Variants in MYO3B observed in about 807,000 individuals in gnomAD.
The protein encoded by MYO3B is myosin-IIIb.
In MYO3B, 156 loss-of-function variants were observed where a neutral mutation model predicts 174.6. That is an observed-to-expected ratio of 0.89 (90% confidence interval 0.78 to 1.02). The LOEUF (loss-of-function observed/expected upper bound fraction) is 1.02, where lower values mean the gene tolerates loss of function less well. Among genes scored for constraint, MYO3B ranks in the 50% least tolerant of loss-of-function variants. MYO3B has a pLI of 0.00. For synonymous variants in MYO3B, 563 were observed against 569.1 expected, an observed-to-expected ratio of 0.99 and a Z score of 0.15; for missense variants, 1,632 against 1,639.4, an observed-to-expected ratio of 1.00 and a Z score of 0.08.
At chr2:170,456,763 G>A (rs76668982) in intron 23 of MYO3B, among the ~76,000 whole-genome samples, 1,628 of 152,296 alleles carry the variant, frequency 0.011, 13 homozygotes, top group Non-Finnish European at 0.015. Context: ...CAGCAGTTTT[G>A]ACTAACCAAT....
intron 32 of MYO3B, among the ~76,000 whole-genome samples, chr2:170,620,677 C>T (rs1039051733): frequency 3.9e-5 from 6 of 152,208 alleles, no homozygotes; most frequent in South Asian, 4.1e-4. Context: ...TGGAAAATGG[C>T]CCGGGTAGAT....
intron 3 of MYO3B, among the ~76,000 whole-genome samples, 153 bp downstream of exon 3, chr2:170,200,437 C>T (rs1334632208): frequency 1.3e-5 from 2 of 152,170 alleles, no homozygotes. Context: ...CATTCTCCTC[C>T]ACAGTTCTTA....
chr2:170,319,009 C>G (rs2093796081), intron 7 of MYO3B, among the ~76,000 whole-genome samples: 1 of 152,096 alleles, frequency 6.6e-6, no homozygotes, highest in Non-Finnish European at 1.5e-5. Flanking sequence ...TCTTTCTTAC[C>G]CCAGATCTCA....
chr2:170,311,584 C>T (rs1288427707), intron 7 of MYO3B, among the ~76,000 whole-genome samples: 1 of 148,152 alleles, frequency 6.7e-6, no homozygotes, highest in African/African-American at 2.5e-5. Flanking sequence ...TTGGTGATGT[C>T]CTTTGAAACA....
Position 170,564,850 on chromosome 2 carries a change from A to G in MYO3B, c.3733+20862A>G, listed in dbSNP as rs537524691. On this transcript the variant is annotated intron_variant, in intron 32 of 34. Transcript: ENST00000408978. ...TGTGGAAGACTTTTTTATTATCATA[A>G]TAACCTAAGGTTCTGCTGCAGTTTT... Among the ~76,000 whole-genome samples the G allele has an allele frequency of 2.4e-4, 37 of 152,320 alleles. No individual in the cohort carries two copies. In the South Asian group the frequency reaches 7.0e-3, roughly 29 times the overall value.
intron 23 of MYO3B, among the ~76,000 whole-genome samples, chr2:170,449,193 G>T (rs1383401051): frequency 1.3e-5 from 2 of 151,996 alleles, no homozygotes; most frequent in Non-Finnish European, 2.9e-5. Context: ...CAAGGTATGA[G>T]GCCAGCTTTC....
At chr2:170,429,582 T>A (rs2094692765) in intron 22 of MYO3B, among the ~76,000 whole-genome samples, 1 of 152,226 alleles carries the variant, frequency 6.6e-6, no homozygotes, top group Non-Finnish European at 1.5e-5. Flanking sequence ...GTTTTAATGC[T>A]ATTATTAAAT....
intron 25 of MYO3B, among the ~76,000 whole-genome samples, chr2:170,497,467 T>C (rs1686937393): frequency 6.6e-6 from 1 of 152,016 alleles, no homozygotes; most frequent in East Asian, 1.9e-4. Context: ...ATACAAAAAA[T>C]TAGCCGGGCA....
At position 170,501,834 on chromosome 2, in the gene MYO3B, A is replaced by G. The variant is rs377486688; in HGVS notation, c.3339A>G (p.Arg1113=). Residue 1113 remains arginine (R), a synonymous_variant, in exon 28 of 35, where the codon AGA becomes AGG. Transcript: ENST00000408978. ...GGAAATTTAAGAAAATAAGCAACAG[A>G]AGGAATGAGTCTGCTGCTCATAATC... ...ARRKFKKISN[R]RNESAAHNQA... The G allele has an allele frequency of 7.4e-6, 12 of 1,612,990 alleles. No individual in the cohort carries two copies. Among genetic ancestry groups the G allele is most frequent in the African/African-American group, 4.0e-5 (3 of 75,050 alleles).
intron 23 of MYO3B, among the ~76,000 whole-genome samples, chr2:170,459,116 C>T (rs991105210): frequency 9.9e-5 from 15 of 152,094 alleles, no homozygotes; most frequent in Non-Finnish European, 1.9e-4. Context: ...GCAGAGTGGA[C>T]CCAAAGAGTG....
intron 30 of MYO3B, among the ~76,000 whole-genome samples, chr2:170,539,617 T>G (rs1410237912): frequency 2.3e-5 from 1 of 43,148 alleles, no homozygotes; most frequent in East Asian, 1.2e-3. Context: ...TTCTTTTTAT[T>G]TATTTATTTT....
chr2:170,414,708 A>G (rs1183926226), intron 22 of MYO3B, among the ~76,000 whole-genome samples: 1 of 152,208 alleles, frequency 6.6e-6, no homozygotes, highest in Non-Finnish European at 1.5e-5. Flanking sequence ...ATTCCATTCC[A>G]TGAACATGAT....
rs1353793112 is a variant in MYO3B, at chr2:170,499,760, A to C, written c.3241A>C (p.Lys1081Gln). 2 of 1,614,114 alleles carry C rather than the reference A, an allele frequency of 1.2e-6. No homozygotes were observed. The highest frequency in any genetic ancestry group is 2.2e-5 in the East Asian group (1 of 44,878). ...TKGWLGARRY[K>Q]RVREKREKGA... ...GGGGTGGCTTGGAGCCAGGAGATAC[A>C]AAAGGGTCAGAGAGAAGAGAGAGAA... Residue 1081 changes from lysine (K) to glutamine (Q), a missense_variant, in exon 27 of 35, where the codon AAA (lysine) becomes CAA (glutamine). Coordinates refer to ENST00000408978, the MANE Select transcript of MYO3B (RefSeq NM_138995.5).
At position 170,401,522 on chromosome 2, in the gene MYO3B, G is replaced by A; in HGVS notation, c.1960G>A (p.Ala654Thr). 6.2e-7 allele frequency: 1 copy of A among 1,614,134 alleles called. No homozygotes were observed. Among genetic ancestry groups the A allele is most frequent in the South Asian group, 1.1e-5 (1 of 91,078 alleles). The change falls in exon 18 of 35, where the codon GCC becomes ACC. Residue 654 changes from alanine (A) to threonine (T), a missense_variant. Physicochemically the swap from Ala to Thr is moderately conservative, Grantham distance 58. Transcript: ENST00000408978. ...LCISPEELQE[A>T]LTSHCVVTRG... The stretch of plus-strand genomic sequence containing the variant: ...CATTAGCCCTGAAGAGCTCCAGGAG[G>A]CCCTCACCTCCCACTGTGTGGTCAC...
In MYO3B at chr2:170,410,587, AAAAAG is replaced by A. The variant is rs1307447160; in HGVS notation, c.2650+2748_2650+2752del. 1.4e-3 allele frequency among the ~76,000 whole-genome samples: 86 copies of A among 60,302 alleles called. 1 individual carries two copies. Among genetic ancestry groups the A allele is most frequent in the East Asian group, 4.3e-3 (6 of 1,398 alleles). The allele number at this position is 60,302 out of a possible 152,430, so 39.6% of individuals were successfully genotyped here. A position where few individuals can be genotyped will look rare whatever the true frequency, so the allele number is the denominator to read the frequency against. The stretch of plus-strand genomic sequence containing the variant: ...AGTGCAAGACTCCGTCTCAACAAAA[AAAAAG>A]AAAAAAAAAAAAAAAAAAACTTGGG... On this transcript the variant is annotated intron_variant, in intron 22 of 34. Coordinates refer to ENST00000408978, the MANE Select transcript of MYO3B (RefSeq NM_138995.5).
intron 30 of MYO3B, among the ~76,000 whole-genome samples, chr2:170,527,224 A>C (rs73029008): frequency 0.035 from 5,322 of 152,246 alleles, 313 homozygotes; most frequent in African/African-American, 0.12. Flanking sequence ...AGTGAGAAGA[A>C]GGCAGAGGGT....
chr2:170,650,417 T>G (rs900786627), intron 32 of MYO3B, among the ~76,000 whole-genome samples: 2 of 152,124 alleles, frequency 1.3e-5, no homozygotes, highest in Non-Finnish European at 2.9e-5. Context: ...AAATCTCTGG[T>G]GAAGTTAAAA....
intron 30 of MYO3B, among the ~76,000 whole-genome samples, chr2:170,526,050 A>G (rs1002454655): frequency 1.3e-5 from 2 of 152,174 alleles, no homozygotes; most frequent in African/African-American, 4.8e-5. Flanking sequence ...TCTCTGATCA[A>G]GTGCTTAAGA....
At chr2:170,623,461 TTCTGGATTTTAGCCCTTTG>T (rs1441411036) in intron 32 of MYO3B, among the ~76,000 whole-genome samples, 1 of 152,250 alleles carries the variant, frequency 6.6e-6, no homozygotes, top group Non-Finnish European at 1.5e-5. Flanking sequence ...TCTTTGTCGA[TTCTGGATTTTAGCCCTTTG>T]TCAGATGGGT....
Sources: gnomAD v4.1 joint callset for allele counts (sites outside exome capture counted in the v4.1 genomes callset) on GRCh38, gnomAD v4.1.1 for gene constraint, MANE v1.5 for transcripts, NCBI Gene and HGNC (gene_info 2026-07-23, HGNC 2026-07-21) for gene names.